Variants in KAZN observed in about 807,000 individuals in gnomAD.
The protein encoded by KAZN is kazrin.
Under a neutral mutation model 87.4 loss-of-function variants are expected in KAZN, and 40 were observed. That is an observed-to-expected ratio of 0.46 (90% CI 0.36 to 0.60). KAZN has a LOEUF of 0.60. Among genes scored for constraint, KAZN ranks in the 20% least tolerant of loss-of-function variants. The pLI is 0.00. For synonymous variants in KAZN, 466 were observed against 458.3 expected, an observed-to-expected ratio of 1.02 and a Z score of -0.22; for missense variants, 898 against 1,073.9, an observed-to-expected ratio of 0.84 and a Z score of 2.29.
chr1:15,060,327 G>C, intron 6 of KAZN, 25 bp downstream of exon 6: 1 of 1,613,414 alleles, frequency 6.2e-7, no homozygotes, highest in Non-Finnish European at 8.5e-7. Context: ...AGCGGGGCCT[G>C]GGCCCCTGGG....
intron 2 of KAZN, among the ~76,000 whole-genome samples, chr1:14,301,308 T>G (rs1322348081): frequency 2.0e-5 from 3 of 152,250 alleles, no homozygotes; most frequent in Non-Finnish European, 4.4e-5. Flanking sequence ...TGATCCTGAC[T>G]GTTCTCTGGC....
intron 1 of KAZN, among the ~76,000 whole-genome samples, chr1:14,653,688 A>C (rs1638601001): frequency 6.6e-6 from 1 of 152,214 alleles, no homozygotes; most frequent in Admixed American, 6.5e-5. Flanking sequence ...AAAATGAGTC[A>C]AGGCTTGTAA....
intron 1 of KAZN, among the ~76,000 whole-genome samples, chr1:14,174,257 C>T (rs1413202727): frequency 6.6e-6 from 1 of 152,002 alleles, no homozygotes; most frequent in Non-Finnish European, 1.5e-5. Flanking sequence ...AAGTTCCGCA[C>T]GGTGGGAGAC....
At chr1:14,323,889 TCTTA>T (rs1174355741) in intron 2 of KAZN, among the ~76,000 whole-genome samples, 9 of 152,316 alleles carry the variant, frequency 5.9e-5, no homozygotes, top group East Asian at 3.9e-4. Flanking sequence ...CTTTATGGAC[TCTTA>T]CTTAGTGTTT....
chr1:13,971,937 C>A (rs1642152388), intron 1 of KAZN, among the ~76,000 whole-genome samples: 1 of 152,144 alleles, frequency 6.6e-6, no homozygotes, highest in Non-Finnish European at 1.5e-5. Context: ...TTCCCTGAGG[C>A]CTCCCCAGAG....
At chr1:14,657,595 G>A (rs879522314) in intron 1 of KAZN, among the ~76,000 whole-genome samples, 24 of 152,168 alleles carry the variant, frequency 1.6e-4, no homozygotes, top group Non-Finnish European at 2.6e-4. Flanking sequence ...AGTTTAGGAG[G>A]CATCTCCCTA....
At chr1:14,661,663 G>T (rs1204980565) in intron 1 of KAZN, among the ~76,000 whole-genome samples, 1 of 93,230 alleles carries the variant, frequency 1.1e-5, no homozygotes, top group East Asian at 3.4e-4. Flanking sequence ...ATTGGGGGAC[G>T]GGGGGGCGGG....
intron 4 of KAZN, among the ~76,000 whole-genome samples, chr1:15,050,159 G>GATAGATAGAATAGAATA (rs201481507): frequency 0.024 from 3,186 of 131,320 alleles, 108 homozygotes; most frequent in African/African-American, 0.049. Context: ...AGAATAGAAT[G>GATAGATAGAATAGAATA]GAATAGAATA....
At chr1:14,266,831 C>A (rs1303174725) in intron 2 of KAZN, among the ~76,000 whole-genome samples, 2 of 152,182 alleles carry the variant, frequency 1.3e-5, no homozygotes, top group African/African-American at 2.4e-5. Context: ...GGAGAATATG[C>A]AAATTTCACA....
chr1:14,885,734 C>G (rs777310143), intron 1 of KAZN, among the ~76,000 whole-genome samples: 6 of 152,104 alleles, frequency 3.9e-5, no homozygotes, highest in Non-Finnish European at 7.4e-5. Context: ...GTCCCATCCC[C>G]GTTGTAGGTA....
At chr1:14,228,626 CT>C (rs1299105493) in intron 2 of KAZN, among the ~76,000 whole-genome samples, 1 of 152,224 alleles carries the variant, frequency 6.6e-6, no homozygotes, top group Admixed American at 6.5e-5. Context: ...CATGAACCTA[CT>C]CTTCCAGACT....
At chr1:14,702,591 C>T (rs1220851779) in intron 1 of KAZN, among the ~76,000 whole-genome samples, 10 of 151,992 alleles carry the variant, frequency 6.6e-5, no homozygotes, top group South Asian at 2.1e-4. Context: ...GAATTGGGAA[C>T]GTGGTATGTA....
chr1:15,048,556 T>C (rs1673846828), intron 4 of KAZN, among the ~76,000 whole-genome samples: 1 of 152,118 alleles, frequency 6.6e-6, no homozygotes. Context: ...TCCTTGGTTG[T>C]TGGTCCTGGG....
intron 1 of KAZN, among the ~76,000 whole-genome samples, chr1:14,697,366 A>C (rs1040493818): frequency 2.0e-5 from 3 of 152,124 alleles, no homozygotes; most frequent in African/African-American, 7.2e-5. Flanking sequence ...GAAAAGAAAA[A>C]GAAAAGGATG....
chr1:14,331,960 T>C (rs1276126815), intron 2 of KAZN, among the ~76,000 whole-genome samples: 4 of 152,230 alleles, frequency 2.6e-5, no homozygotes, highest in East Asian at 3.8e-4. Flanking sequence ...ATTTCTAAGA[T>C]ACATCTGCAT....
chr1:14,460,337 A>G (rs1489927638), intron 2 of KAZN, among the ~76,000 whole-genome samples: 3 of 152,164 alleles, frequency 2.0e-5, no homozygotes, highest in Admixed American at 6.5e-5. Flanking sequence ...CCTTATTCAC[A>G]TGGGCAAGTG....
chr1:15,049,356 C>T (rs1674051637), intron 4 of KAZN, among the ~76,000 whole-genome samples: 1 of 152,242 alleles, frequency 6.6e-6, no homozygotes, highest in Non-Finnish European at 1.5e-5. Flanking sequence ...ACGGTGCTCT[C>T]TGTAAACAAG....
intron 1 of KAZN, among the ~76,000 whole-genome samples, chr1:14,661,311 G>A (rs1439989982): frequency 6.6e-6 from 1 of 152,086 alleles, no homozygotes. Context: ...GCCTGGTTGA[G>A]CCATCTTTAT....
intron 1 of KAZN, among the ~76,000 whole-genome samples, chr1:13,916,862 G>C (rs926803469): frequency 1.3e-5 from 2 of 152,112 alleles, no homozygotes; most frequent in Non-Finnish European, 2.9e-5. Flanking sequence ...GTTGAGGTGA[G>C]TGGGCTCGGG....
Sources: allele counts gnomAD v4.1 joint callset (sites outside exome capture counted in the v4.1 genomes callset), GRCh38; gene constraint gnomAD v4.1.1; transcripts MANE v1.5; gene names NCBI Gene and HGNC (gene_info 2026-07-23, HGNC 2026-07-21).